The following DBR1 variants were observed in gnomAD, a reference collection of about 807,000 sequenced individuals.
DBR1 encodes lariat debranching enzyme.
DBR1 carries 33 observed loss-of-function variants against 45.9 expected under a neutral mutation model. The observed-to-expected ratio is 0.72, with a 90% CI of 0.55 to 0.96. The LOEUF (loss-of-function observed/expected upper bound fraction) is 0.96. Among genes scored for constraint, DBR1 ranks in the 40% least tolerant of loss-of-function variants. DBR1 has a pLI of 0.00. For missense variants in DBR1, 619 were observed against 667.4 expected (o/e 0.93, Z 0.80); for synonymous variants, 235 against 235.9 (o/e 1.00, Z 0.04).
chr3:138,170,340 G>T, intron 3 of DBR1, 148 bp from the exon 4 acceptor site: 1 of 556,558 alleles, frequency 1.8e-6, no homozygotes, highest in Non-Finnish European at 3.1e-6. Context: ...TAAAAAGATG[G>T]TGGACTGCAG....
At chr3:138,163,978 GAATGACT>G in intron 5 of DBR1, 120 bp from the exon 6 acceptor site, 1 of 601,324 alleles carries the variant, frequency 1.7e-6, no homozygotes, top group Non-Finnish European at 2.8e-6. Context: ...TGTGTCAAAG[GAATGACT>G]GTTACTTTTC....
chr3:138,170,828 T>G (rs1033126606), intron 3 of DBR1, among the ~76,000 whole-genome samples: 1 of 152,268 alleles, frequency 6.6e-6, no homozygotes, highest in East Asian at 1.9e-4. Context: ...GAAATTAATA[T>G]GCAGTTGTGA....
intron 2 of DBR1, among the ~76,000 whole-genome samples, chr3:138,172,619 A>G (rs1166475543): frequency 1.3e-5 from 2 of 152,294 alleles, no homozygotes; most frequent in Non-Finnish European, 1.5e-5. Flanking sequence ...TGAAAAGGCT[A>G]TATAGTTTAT....
rs753515241 is a variant in DBR1 at position 138,174,626 on chromosome 3, T to C, written c.170A>G (p.Lys57Arg). 4.5e-6 allele frequency: 7 copies of C among 1,562,382 alleles called. No individual in the cohort carries two copies. Among genetic ancestry groups the C allele is most frequent in the Non-Finnish European group, 6.1e-6 (7 of 1,147,262 alleles). The change falls in exon 1 of 8, where the codon AAG becomes AGG. Residue 57 changes from lysine to arginine, a missense_variant. Coordinates refer to ENST00000260803, the MANE Select transcript of DBR1 (RefSeq NM_016216.4). ...GTAGAAGGTTTGCATGTGACGATAC[T>C]TGGGCGGCACGGCCATGCAGCGTAG... ...ADLRCMAVPP[K>R]YRHMQTFYRY...
At chr3:138,173,392 A>G in intron 2 of DBR1, 110 bp downstream of exon 2, 1 of 1,075,994 alleles carries the variant, frequency 9.3e-7, no homozygotes, top group Non-Finnish European at 1.3e-6. Flanking sequence ...TATTTAAATT[A>G]ATGACATTCT....
At chr3:138,164,074 A>G (rs2042919673) in intron 5 of DBR1, 3 of 372,318 alleles carry the variant, frequency 8.1e-6, no homozygotes. Flanking sequence ...ATTTCCATAC[A>G]AAATTCAAGG....
At chr3:138,171,039 T>A (rs1375700679) in intron 3 of DBR1, among the ~76,000 whole-genome samples, 1 of 152,098 alleles carries the variant, frequency 6.6e-6, no homozygotes, top group East Asian at 1.9e-4. Flanking sequence ...AAGTAAATTA[T>A]AATCACCAAA....
Position 138,161,684 on chromosome 3 carries a change from A to G in DBR1, c.*205T>C. ...AACACGGTGAAACCCTGTCATTACT[A>G]AAAATGCAAAAATTAGCCGGGTGTG... On this transcript the variant is annotated 3_prime_UTR_variant, in exon 8 of 8. Coordinates refer to ENST00000260803, the MANE Select transcript of DBR1 (RefSeq NM_016216.4). 2.0e-6 allele frequency: 1 copy of G among 493,162 alleles called. No homozygotes were observed. The highest frequency in any genetic ancestry group is 3.7e-6 in the Non-Finnish European group (1 of 271,600). 30.5% of individuals were successfully genotyped at this position (493,162 alleles called of 1,614,324 possible).
intron 4 of DBR1, among the ~76,000 whole-genome samples, chr3:138,167,977 T>C (rs1376474562): frequency 6.6e-6 from 1 of 151,976 alleles, no homozygotes; most frequent in Non-Finnish European, 1.5e-5. Flanking sequence ...AAGAAATTAC[T>C]GTTTTGAAGA....
chr3:138,162,569 C>T lies in DBR1; in HGVS notation c.955G>A (p.Ala319Thr), dbSNP rs1192473244. ...NGLHARWDYS[A>T]TEEGMKEVLE... ...ACTTCTTTCATACCTTCTTCTGTTG[C>T]ACTATAATCCCACCTATAAAAGTAC... The change falls in exon 8 of 8, where the codon GCA becomes ACA. Residue 319 changes from alanine to threonine, a missense_variant. This residue lies in a region of DBR1 where 430 missense variants were observed against 447.7 expected (regional missense o/e 0.96). Coordinates refer to ENST00000260803, the MANE Select transcript of DBR1 (RefSeq NM_016216.4). The T allele has an allele frequency of 1.9e-6, 3 of 1,608,534 alleles. No individual in the cohort carries two copies. In the East Asian group the frequency reaches 6.7e-5, roughly 36 times the overall value.
intron 7 of DBR1, among the ~76,000 whole-genome samples, 185 bp downstream of exon 7, chr3:138,163,164 G>A (rs549572473): frequency 7.9e-5 from 12 of 152,334 alleles, no homozygotes; most frequent in African/African-American, 2.4e-4. Context: ...GGGGGCAGAG[G>A]TGGGAGGATC....
intron 5 of DBR1, among the ~76,000 whole-genome samples, chr3:138,165,155 T>C (rs1559882739): frequency 6.6e-6 from 1 of 152,112 alleles, no homozygotes. Context: ...AGCTTCATCA[T>C]GGAGGAAAAA....
At chr3:138,164,153 A>C (rs1483251689) in intron 5 of DBR1, 1 of 186,592 alleles carries the variant, frequency 5.4e-6, no homozygotes, top group Non-Finnish European at 1.1e-5. Flanking sequence ...CATATAACCC[A>C]AGGATTAAAG....
intron 7 of DBR1, 142 bp from the exon 8 acceptor site, chr3:138,162,724 G>T: frequency 1.4e-6 from 1 of 739,984 alleles, no homozygotes; most frequent in Non-Finnish European, 2.2e-6. Context: ...AGTTAATTTA[G>T]CAAAGGACCA....
chr3:138,165,960 C>A (rs1047127257), intron 5 of DBR1, among the ~76,000 whole-genome samples: 1 of 152,196 alleles, frequency 6.6e-6, no homozygotes, highest in African/African-American at 2.4e-5. Flanking sequence ...AAGAATAAAT[C>A]CACAACAGAA....
intron 5 of DBR1, among the ~76,000 whole-genome samples, chr3:138,166,014 T>C (rs1043272121): frequency 6.6e-6 from 1 of 152,244 alleles, no homozygotes; most frequent in Non-Finnish European, 1.5e-5. Flanking sequence ...CCAAACCGTG[T>C]TTGAGGAACA....
Position 138,167,288 on chromosome 3 carries a change from A to G in DBR1, c.507T>C (p.Asp169=), listed in dbSNP as rs747221419. Residue 169 remains aspartate (D), a synonymous_variant, in exon 5 of 8, where the codon GAT becomes GAC. Transcript: ENST00000260803. ...TTGGCCAATCATGAGACAAGAATAT[A>G]TCTATAGGCTGCTTCAGCTTTCAAA... ...YKLKQLKQPI[D]IFLSHDWPRS... The G allele has an allele frequency of 6.3e-7, 1 of 1,598,736 alleles. No individual in the cohort carries two copies. Among genetic ancestry groups the G allele is most frequent in the South Asian group, 1.1e-5 (1 of 87,284 alleles).
At chr3:138,173,462 A>C (rs913401936) in intron 2 of DBR1, 40 bp downstream of exon 2, 34 of 1,608,550 alleles carry the variant, frequency 2.1e-5, no homozygotes, top group Non-Finnish European at 2.9e-5. Flanking sequence ...AAGCTCTTCC[A>C]TCCCAGGAAA....
intron 2 of DBR1, among the ~76,000 whole-genome samples, chr3:138,172,348 CCAGG>C (rs2042958981): frequency 6.6e-6 from 1 of 152,054 alleles, no homozygotes; most frequent in Non-Finnish European, 1.5e-5. Context: ...CTTTGGAGGC[CCAGG>C]TGGGCGGATC....
Sources: gnomAD v4.1 joint callset for allele counts (sites outside exome capture counted in the v4.1 genomes callset) on GRCh38, gnomAD v4.1.1 for gene constraint, gnomAD v4.1.1 regional missense constraint, MANE v1.5 for transcripts, NCBI Gene and HGNC (gene_info 2026-07-23, HGNC 2026-07-21) for gene names.